Variants in OXNAD1 observed in about 807,000 individuals in gnomAD.
OXNAD1 encodes the protein oxidoreductase NAD-binding domain-containing protein 1.
A neutral mutation model predicts 32.9 loss-of-function variants in OXNAD1; 34 were observed. That is an observed-to-expected ratio of 1.03 (90% confidence interval 0.79 to 1.38). The LOEUF (loss-of-function observed/expected upper bound fraction) is 1.38, where lower values mean the gene tolerates loss of function less well. Among genes scored for constraint, OXNAD1 ranks in the 40% most tolerant of loss-of-function variants. The pLI, the probability that OXNAD1 is intolerant of heterozygous loss-of-function variation, is 0.00. For missense variants in OXNAD1, 407 were observed against 379.4 expected, an observed-to-expected ratio of 1.07 and a Z score of -0.60; for synonymous variants, 134 against 135.2, an observed-to-expected ratio of 0.99 and a Z score of 0.06.
intron 9 of OXNAD1, chr3:16,326,976 G>C (rs1024043284): frequency 3.5e-6 from 3 of 860,562 alleles, no homozygotes; most frequent in Non-Finnish European, 5.4e-6. Flanking sequence ...AAACAGAAAA[G>C]AAGTGGCGGT....
At position 16,327,866 on chromosome 3, in the gene OXNAD1, C is replaced by T. The variant is rs2069886864; in HGVS notation, c.*31-9246C>T. Among the ~76,000 whole-genome samples, 1 of 152,228 alleles carries T rather than the reference C, an allele frequency of 6.6e-6. No individual in the cohort carries two copies. ...GCTTCCACCTCTGCAGGCGTTCTCA[C>T]TGCAACAGGCCTCATTTCTTACTAC... On this transcript the variant is annotated intron_variant, in intron 9 of 9. Coordinates refer to the OXNAD1 transcript ENST00000435829. This position sits in a 1 kb window ranked among gnomAD's most constrained non-coding sequence, Gnocchi z 4.2.
rs903464265 is a variant in OXNAD1 at position 16,265,725 on chromosome 3, A to G, written c.-159+220A>G. ...TGCACTAAGTGGAATTGTCAACTCT[A>G]GGAGTTTACATGTTATTCCATTTTA... On this transcript the variant is annotated intron_variant, in intron 1 of 8. Transcript: ENST00000285083. This position sits in a 1 kb window ranked among gnomAD's most constrained non-coding sequence, Gnocchi z 4.8. The G allele has an allele frequency of 3.5e-5, 10 of 285,192 alleles. No homozygotes were observed. Among genetic ancestry groups the G allele is most frequent in the South Asian group, 1.4e-4 (1 of 7,272 alleles). The allele number at this position is 285,192 out of a possible 1,614,324, so 17.7% of individuals were successfully genotyped here. A position where few individuals can be genotyped will look rare whatever the true frequency, so the allele number is the denominator to read the frequency against.
At position 16,298,968 on chromosome 3, in the gene OXNAD1, G is replaced by T. The variant is rs372265944; in HGVS notation, c.433-2658G>T. On this transcript the variant is annotated intron_variant, in intron 6 of 8. Transcript: ENST00000285083. The surrounding 1 kb of genome is among the most constrained non-coding windows in gnomAD (Gnocchi z 5.1). ...ACAAAGATGGCTTTTAATTCTTCCC[G>T]GATGCTACCAAATCAGAATACAGAC... Among the ~76,000 whole-genome samples the T allele has an allele frequency of 6.6e-6, 1 of 152,052 alleles. No homozygotes were observed. Among genetic ancestry groups the T allele is most frequent in the African/African-American group, 2.4e-5 (1 of 41,388 alleles).
Position 16,317,668 on chromosome 3 carries a change from C to A in OXNAD1, c.*30+14076C>A, listed in dbSNP as rs2068562177. 6.6e-6 allele frequency among the ~76,000 whole-genome samples: 1 copy of A among 152,182 alleles called. No individual in the cohort carries two copies. The highest frequency in any genetic ancestry group is 2.4e-5 in the African/African-American group (1 of 41,428). On this transcript the variant is annotated intron_variant, in intron 9 of 9. Transcript: ENST00000435829. This position sits in a 1 kb window ranked among gnomAD's most constrained non-coding sequence, Gnocchi z 4.3. The stretch of plus-strand genomic sequence containing the variant: ...ACCAGGCACGGGGCTGGCATTCTCT[C>A]ACTAGGTCACCTGAGTAAGGCAGGG...
chr3:16,325,698 C>T (rs966827649), intron 9 of OXNAD1, among the ~76,000 whole-genome samples: 11 of 152,244 alleles, frequency 7.2e-5, no homozygotes, highest in African/African-American at 2.2e-4. Flanking sequence ...CAAAAGTGGC[C>T]GCAGACTGGC....
chr3:16,291,107 C>G (rs2066402089), intron 5 of OXNAD1, among the ~76,000 whole-genome samples: 1 of 152,120 alleles, frequency 6.6e-6, no homozygotes, highest in African/African-American at 2.4e-5. Flanking sequence ...CCCAGGAGTT[C>G]TAGACTACAG....
In OXNAD1 at chr3:16,288,615, T is replaced by G. The variant is rs1327178313; in HGVS notation, c.290+2167T>G. Among the ~76,000 whole-genome samples, 1 of 152,184 alleles carries G rather than the reference T, an allele frequency of 6.6e-6. No individual in the cohort carries two copies. The highest frequency in any genetic ancestry group is 1.5e-5 in the Non-Finnish European group (1 of 68,038). On this transcript the variant is annotated intron_variant, in intron 5 of 8. Coordinates refer to ENST00000285083, the MANE Select transcript of OXNAD1 (RefSeq NM_138381.5). This position sits in a 1 kb window ranked among gnomAD's most constrained non-coding sequence, Gnocchi z 5.1. ...ACTGGGCCTTGCAGAGAGGGCTGGT[T>G]CCTGTAGCAATAAACCAGTTCCAAG...
In OXNAD1 at chr3:16,314,970, A is replaced by T. The variant is rs1008041292; in HGVS notation, c.*30+11378A>T. 5 of 152,268 alleles carry T rather than the reference A, an allele frequency of 3.3e-5. No homozygotes were observed. The highest frequency in any genetic ancestry group is 1.2e-4 in the African/African-American group (5 of 41,474). 9.4% of individuals were successfully genotyped at this position (152,268 alleles called of 1,614,324 possible). A position where few individuals can be genotyped will look rare whatever the true frequency, so the allele number is the denominator to read the frequency against. ...TAGTTGTGGAAAATGTCATTAAAAA[A>T]TAGTTGTCTTCTCTTTGAACAGGGC... On this transcript the variant is annotated intron_variant, in intron 9 of 9. Coordinates refer to the OXNAD1 transcript ENST00000435829. This position sits in a 1 kb window ranked among gnomAD's most constrained non-coding sequence, Gnocchi z 4.4.
rs866136735 is a variant in OXNAD1 at position 16,346,541 on chromosome 3, G to C, written c.*31-2635G>C. On this transcript the variant is annotated intron_variant, in intron 9 of 9. Coordinates refer to the OXNAD1 transcript ENST00000606098. This position sits in a 1 kb window ranked among gnomAD's most constrained non-coding sequence, Gnocchi z 4.4. ...CTAGTCCCCCTCAGTGGCACATTCT[G>C]TTGGCTGCCAAAGCCAACAGCCCCT... The C allele has an allele frequency of 6.6e-6, 1 of 152,092 alleles. No individual in the cohort carries two copies. The highest frequency in any genetic ancestry group is 2.4e-5 in the African/African-American group (1 of 41,408). The allele number at this position is 152,092 out of a possible 1,614,324, so 9.4% of individuals were successfully genotyped here. A position where few individuals can be genotyped will look rare whatever the true frequency, so the allele number is the denominator to read the frequency against.
rs1445198937 is a variant in OXNAD1 at position 16,302,005 on chromosome 3, G to A, written c.675+137G>A. On this transcript the variant is annotated intron_variant, in intron 7 of 8. Coordinates refer to ENST00000285083, the MANE Select transcript of OXNAD1 (RefSeq NM_138381.5). The surrounding 1 kb of genome is among the most constrained non-coding windows in gnomAD (Gnocchi z 4.2). Reference sequence around the variant, plus strand: ...GCAAGATTTAATCATGCTTAAATGAGAACTAACCAACACACCTTACCCAAG... The same window carrying A: ...GCAAGATTTAATCATGCTTAAATGAAAACTAACCAACACACCTTACCCAAG... 6 of 1,113,568 alleles carry A rather than the reference G, an allele frequency of 5.4e-6. No individual in the cohort carries two copies. The highest frequency in any genetic ancestry group is 1.6e-5 in the African/African-American group (1 of 63,078). 69.0% of individuals were successfully genotyped at this position (1,113,568 alleles called of 1,614,324 possible).
In OXNAD1 at chr3:16,321,179, C is replaced by G. The variant is rs184984643; in HGVS notation, c.*31-15933C>G. Among the ~76,000 whole-genome samples the G allele has an allele frequency of 2.3e-3, 353 of 152,064 alleles. 3 individuals are homozygous for G. Among genetic ancestry groups the G allele is most frequent in the African/African-American group, 8.3e-3 (345 of 41,450 alleles). On this transcript the variant is annotated intron_variant, in intron 9 of 9. Coordinates refer to the OXNAD1 transcript ENST00000435829. This position sits in a 1 kb window ranked among gnomAD's most constrained non-coding sequence, Gnocchi z 4.8. ...GGTGGGCGAGGTATGGGGAGGGGGA[C>G]AGTCATAGGTTTCCTCGAGCCACAG...
downstream of OXNAD1, among the ~76,000 whole-genome samples, chr3:16,341,166 T>C (rs1161875614): frequency 3.9e-5 from 6 of 152,122 alleles, no homozygotes; most frequent in African/African-American, 7.2e-5. This position sits in a 1 kb window ranked among gnomAD's most constrained non-coding sequence, Gnocchi z 4.7. Flanking sequence ...TTAATGCCGG[T>C]GAGGATGTGG....
chr3:16,283,406 T>C (rs750232762), intron 4 of OXNAD1, among the ~76,000 whole-genome samples: 5 of 152,180 alleles, frequency 3.3e-5, no homozygotes, highest in Admixed American at 6.6e-5. Flanking sequence ...CCTAGCTAGG[T>C]GATCTTGAGC....
At chr3:16,347,193 G>A (rs1294926048) in intron 9 of OXNAD1, among the ~76,000 whole-genome samples, 1 of 152,138 alleles carries the variant, frequency 6.6e-6, no homozygotes, top group East Asian at 1.9e-4. Context: ...CCAGGCCCTT[G>A]CCTCACCCAC....
rs1435167961 is a variant in OXNAD1, at chr3:16,348,976, G to C, written c.*31-200G>C. ...GGCTAAAAGAGGTAAAAGAGGGACA[G>C]ACAGCCATCCCAGGCTCCACTATCC... On this transcript the variant is annotated intron_variant, in intron 9 of 9. Transcript: ENST00000606098. The surrounding 1 kb of genome is among the most constrained non-coding windows in gnomAD (Gnocchi z 6.3). 6.6e-6 allele frequency among the ~76,000 whole-genome samples: 1 copy of C among 152,212 alleles called. No homozygotes were observed. The highest frequency in any genetic ancestry group is 1.5e-5 in the Non-Finnish European group (1 of 68,034).
chr3:16,319,671 G>A (rs1268499906), intron 9 of OXNAD1, among the ~76,000 whole-genome samples: 1 of 152,168 alleles, frequency 6.6e-6, no homozygotes, highest in Non-Finnish European at 1.5e-5. Flanking sequence ...CCAGTTTCCT[G>A]TAGAAGATCA....
chr3:16,274,167 T>TAA (rs34969392), intron 4 of OXNAD1, among the ~76,000 whole-genome samples: 5 of 122,398 alleles, frequency 4.1e-5, no homozygotes, highest in East Asian at 2.4e-4. Flanking sequence ...GTACTATCAC[T>TAA]AAAAAAAAAA....
chr3:16,331,325 G>A (rs2070289601), intron 9 of OXNAD1, among the ~76,000 whole-genome samples: 1 of 152,134 alleles, frequency 6.6e-6, no homozygotes, highest in Admixed American at 6.5e-5. Flanking sequence ...TCTACCATGG[G>A]AAATAAAGGT....
chr3:16,345,817 T>TGTGCGCGCGCGCGCGTGC lies in OXNAD1; in HGVS notation c.*31-3358_*31-3357insTGCGCGCGCGCGCGTGCG, dbSNP rs1160939614. Among the ~76,000 whole-genome samples, 1 of 74,540 alleles carries TGTGCGCGCGCGCGCGTGC rather than the reference T, an allele frequency of 1.3e-5. No homozygotes were observed. Among genetic ancestry groups the TGTGCGCGCGCGCGCGTGC allele is most frequent in the African/African-American group, 5.5e-5 (1 of 18,090 alleles). The allele number at this position is 74,540 out of a possible 152,430, so 48.9% of individuals were successfully genotyped here. On this transcript the variant is annotated intron_variant, in intron 9 of 9. Coordinates refer to the OXNAD1 transcript ENST00000606098. This position sits in a 1 kb window ranked among gnomAD's most constrained non-coding sequence, Gnocchi z 5.2. ...GTGTGTGTGTGTGTGTGTGTGTGTG[T>TGTGCGCGCGCGCGCGTGC]GCGCGCGCGCGTGCGCGCACGCGCA...
Sources: allele counts gnomAD v4.1 joint callset (sites outside exome capture counted in the v4.1 genomes callset), GRCh38; gene constraint gnomAD v4.1.1; non-coding constraint Gnocchi (gnomAD v3.1); transcripts MANE v1.5; gene names NCBI Gene and HGNC (gene_info 2026-07-23, HGNC 2026-07-21).